PARD3B: variants seen among roughly 807,000 people sequenced by gnomAD.
The protein encoded by PARD3B is partitioning defective 3 homolog B.
Under a neutral mutation model 130.2 loss-of-function variants are expected in PARD3B, and 103 were observed. The observed-to-expected ratio is 0.79, with a 90% CI of 0.67 to 0.93. The LOEUF (loss-of-function observed/expected upper bound fraction) is 0.93, where lower values mean the gene tolerates loss of function less well. PARD3B is among the 40% of genes least tolerant of loss of function. The pLI is 0.00. For missense variants in PARD3B, 1,609 were observed against 1,499.2 expected (o/e 1.07, Z -1.21); for synonymous variants, 583 against 553.2 (o/e 1.05, Z -0.76).
At chr2:204,638,821 C>T (rs2034978316) in intron 1 of PARD3B, among the ~76,000 whole-genome samples, 1 of 152,168 alleles carries the variant, frequency 6.6e-6, no homozygotes, top group Non-Finnish European at 1.5e-5. Context: ...GAGTGTTTTG[C>T]AGAACTTTAG....
intron 2 of PARD3B, among the ~76,000 whole-genome samples, chr2:204,881,266 T>C (rs1352259602): frequency 1.3e-5 from 2 of 152,202 alleles, no homozygotes; most frequent in African/African-American, 2.4e-5. Flanking sequence ...TCTATGTCTA[T>C]GTAAAATGCC....
intron 19 of PARD3B, among the ~76,000 whole-genome samples, chr2:205,422,252 T>C (rs919617965): frequency 3.3e-5 from 5 of 151,802 alleles, no homozygotes; most frequent in Admixed American, 2.0e-4. Context: ...GTAATTGGAG[T>C]TGAATAACTA....
intron 3 of PARD3B, among the ~76,000 whole-genome samples, chr2:205,023,551 C>A (rs1261250385): frequency 8.0e-6 from 1 of 125,378 alleles, no homozygotes; most frequent in Non-Finnish European, 1.6e-5. Flanking sequence ...CCCGCCAAAT[C>A]CCCCTGTTTT....
intron 13 of PARD3B, among the ~76,000 whole-genome samples, chr2:205,179,065 T>C (rs928287710): frequency 1.3e-5 from 2 of 152,186 alleles, no homozygotes; most frequent in Non-Finnish European, 2.9e-5. Flanking sequence ...GTAATATTGA[T>C]GATCCTGACC....
intron 1 of PARD3B, among the ~76,000 whole-genome samples, chr2:204,589,962 G>T (rs1237484640): frequency 6.6e-6 from 1 of 152,088 alleles, no homozygotes; most frequent in Admixed American, 6.6e-5. Context: ...GCCATTGATC[G>T]ATTACAATCA....
Position 205,613,543 on chromosome 2 carries a change from G to A in PARD3B, c.3261-1913G>A, listed in dbSNP as rs146335704. Among the ~76,000 whole-genome samples, 366 of 152,326 alleles carry A rather than the reference G, an allele frequency of 2.4e-3. 3 individuals are homozygous for A. The highest frequency in any genetic ancestry group is 7.8e-3 in the African/African-American group (324 of 41,574). ...AGCCTTTATTTCCCATGGCTAGAGT[G>A]ACAGATTATCCATTTGTGCTCCATT... is the stretch of plus-strand genomic sequence containing the variant. On this transcript the variant is annotated intron_variant, in intron 22 of 22. Transcript: ENST00000406610.
intron 11 of PARD3B, among the ~76,000 whole-genome samples, chr2:205,171,009 C>A (rs1332435642): frequency 6.6e-6 from 1 of 152,144 alleles, no homozygotes; most frequent in Admixed American, 6.5e-5. Context: ...GAACAAGTTA[C>A]ATTTTGTGCC....
At chr2:204,674,573 G>T (rs2036448118) in intron 1 of PARD3B, among the ~76,000 whole-genome samples, 1 of 152,048 alleles carries the variant, frequency 6.6e-6, no homozygotes, top group South Asian at 2.1e-4. Context: ...AAGTGGATGA[G>T]GTCTTTATGT....
In PARD3B at chr2:205,516,976, G is replaced by C. The variant is rs189176517; in HGVS notation, c.3180+16945G>C. Among the ~76,000 whole-genome samples, 82 of 152,170 alleles carry C rather than the reference G, an allele frequency of 5.4e-4. 2 individuals are homozygous for C. In the East Asian group the frequency reaches 0.011, roughly 20 times the overall value. On this transcript the variant is annotated intron_variant, in intron 21 of 22. Coordinates refer to ENST00000406610, the MANE Select transcript of PARD3B (RefSeq NM_001302769.2). ...TTTATTGAGAGTTTTTAACATGAAGGGGTACTGAATTTTATCATAAACCTT... is the reference window on the plus strand; with the variant it reads ...TTTATTGAGAGTTTTTAACATGAAGCGGTACTGAATTTTATCATAAACCTT...
intron 3 of PARD3B, among the ~76,000 whole-genome samples, chr2:205,031,598 C>T: frequency 6.6e-6 from 1 of 152,122 alleles, no homozygotes; most frequent in Admixed American, 6.6e-5. Flanking sequence ...ATCATATTTC[C>T]CCTCATCTTG....
At chr2:205,452,859 C>T (rs1173168245) in intron 20 of PARD3B, among the ~76,000 whole-genome samples, 1 of 152,144 alleles carries the variant, frequency 6.6e-6, no homozygotes, top group Non-Finnish European at 1.5e-5. Flanking sequence ...GCCCCTTCCC[C>T]CCATCCTCAA....
At chr2:204,865,117 A>C (rs910809032) in intron 2 of PARD3B, among the ~76,000 whole-genome samples, 5 of 152,210 alleles carry the variant, frequency 3.3e-5, no homozygotes, top group Admixed American at 6.5e-5. Context: ...CATAATAAAA[A>C]AAAATAGATG....
intron 22 of PARD3B, among the ~76,000 whole-genome samples, chr2:205,610,464 C>G (rs965099773): frequency 6.6e-6 from 1 of 152,142 alleles, no homozygotes; most frequent in African/African-American, 2.4e-5. Flanking sequence ...TTAACTGACC[C>G]TTGAATAAAT....
At chr2:204,946,743 A>C (rs569527625) in intron 2 of PARD3B, among the ~76,000 whole-genome samples, 7 of 152,322 alleles carry the variant, frequency 4.6e-5, no homozygotes, top group African/African-American at 1.4e-4. Flanking sequence ...ATCTGTAGCC[A>C]GGAAATTAGA....
At chr2:204,739,763 A>G (rs2039917430) in intron 2 of PARD3B, among the ~76,000 whole-genome samples, 1 of 151,864 alleles carries the variant, frequency 6.6e-6, no homozygotes, top group Admixed American at 6.6e-5. Context: ...CATTATGTCT[A>G]TTTTATCTGT....
At chr2:204,720,817 T>G (rs2038963885) in intron 2 of PARD3B, among the ~76,000 whole-genome samples, 1 of 152,142 alleles carries the variant, frequency 6.6e-6, no homozygotes, top group Admixed American at 6.6e-5. Context: ...TTCTTTCTCA[T>G]GCGGAAGTTT....
Position 205,392,125 on chromosome 2 carries a change from C to G in PARD3B, c.2631-8888C>G, listed in dbSNP as rs957281884. On this transcript the variant is annotated intron_variant, in intron 18 of 22. Transcript: ENST00000406610. ...TCTAAATCCATTGCATTTCCTAGCC[C>G]CTCGGTATGGGGAAAGCAAATTAGC... 2.0e-5 allele frequency among the ~76,000 whole-genome samples: 3 copies of G among 152,194 alleles called. No individual in the cohort carries two copies. In the East Asian group the frequency reaches 5.8e-4, roughly 29 times the overall value.
intron 1 of PARD3B, among the ~76,000 whole-genome samples, chr2:204,562,464 T>A (rs1485248423): frequency 1.3e-5 from 2 of 152,216 alleles, no homozygotes; most frequent in African/African-American, 2.4e-5. Flanking sequence ...ATATGTGTAA[T>A]AGAGATAATT....
intron 11 of PARD3B, among the ~76,000 whole-genome samples, chr2:205,170,867 C>T (rs1219468870): frequency 6.6e-6 from 1 of 151,374 alleles, no homozygotes; most frequent in East Asian, 1.9e-4. Context: ...ACCACTAGAA[C>T]TCTTTAATAT....
Sources: allele counts gnomAD v4.1 joint callset (sites outside exome capture counted in the v4.1 genomes callset), GRCh38; gene constraint gnomAD v4.1.1; transcripts MANE v1.5; gene names NCBI Gene and HGNC (gene_info 2026-07-23, HGNC 2026-07-21).